The following EIF4E3 variants were observed in gnomAD, a reference collection of about 807,000 sequenced individuals.
The protein encoded by EIF4E3 is eukaryotic translation initiation factor 4E family member 3, also known as eukaryotic translation initiation factor 4E type 3.
In EIF4E3, 26 loss-of-function variants were observed where a neutral mutation model predicts 31.7. The ratio of observed to expected loss-of-function variants is 0.82; its 90% CI spans 0.60 to 1.14. The LOEUF (loss-of-function observed/expected upper bound fraction) is 1.14, where lower values mean the gene tolerates loss of function less well. Ranked by LOEUF, EIF4E3 falls within the 50% of genes most tolerant of loss-of-function variation. EIF4E3 has a pLI of 0.00. For synonymous variants in EIF4E3, 128 were observed against 107.7 expected, an observed-to-expected ratio of 1.19 and a Z score of -1.17; for missense variants, 304 against 270.9, an observed-to-expected ratio of 1.12 and a Z score of -0.86.
At chr3:71,690,816 A>G (rs1014640156) in intron 5 of EIF4E3, among the ~76,000 whole-genome samples, 2 of 152,202 alleles carry the variant, frequency 1.3e-5, no homozygotes, top group Admixed American at 1.3e-4. Context: ...AGAGCCAATG[A>G]CCATCTGTTA....
chr3:71,754,274 C>T, upstream of EIF4E3: 3 of 1,199,866 alleles, frequency 2.5e-6, no homozygotes, highest in Non-Finnish European at 3.1e-6. This position sits in a 1 kb window ranked among gnomAD's most constrained non-coding sequence, Gnocchi z 5.8. Flanking sequence ...TCCCGGCCGT[C>T]ATGCTGGCGG....
chr3:71,660,802 A>T, the EIF4E3 span, among the ~76,000 whole-genome samples: 1 of 152,170 alleles, frequency 6.6e-6, no homozygotes, highest in Non-Finnish European at 1.5e-5. Context: ...TCGTTTTTGG[A>T]AAGAGCTGTG....
At chr3:71,663,180 G>A in the EIF4E3 span, among the ~76,000 whole-genome samples, 1 of 152,020 alleles carries the variant, frequency 6.6e-6, no homozygotes, top group African/African-American at 2.4e-5. Context: ...GAGGGGATTG[G>A]GACACTGGGC....
Position 71,707,902 on chromosome 3 carries a change from TGA to T in EIF4E3, c.249+2508_249+2509del, listed in dbSNP as rs1044131727. Among the ~76,000 whole-genome samples, 9 of 150,228 alleles carry T rather than the reference TGA, an allele frequency of 6.0e-5. No homozygotes were observed. The South Asian group carries it at 6.4e-4, about 11-fold the overall frequency. On this transcript the variant is annotated intron_variant, in intron 2 of 6. Transcript: ENST00000425534. ...TTTTTTTTTTTTGAGAGTGTGTGTGTGAGAGAGACAGAGTCTCACTCTGTCAC... is the reference window on the plus strand; with the variant it reads ...TTTTTTTTTTTTGAGAGTGTGTGTGTGAGAGACAGAGTCTCACTCTGTCAC...
chr3:71,669,542 A>C, the EIF4E3 span, among the ~76,000 whole-genome samples: 2 of 152,232 alleles, frequency 1.3e-5, no homozygotes, highest in South Asian at 2.1e-4. Context: ...TTAGAATGAA[A>C]TATACAAATG....
intron 2 of EIF4E3, 144 bp downstream of exon 2, chr3:71,710,268 C>T: frequency 1.2e-6 from 1 of 863,096 alleles, no homozygotes; most frequent in South Asian, 1.5e-5. Context: ...TGGTCAAGGG[C>T]AGCTGTGCCA....
At chr3:71,690,753 C>T (rs934607238) in intron 5 of EIF4E3, among the ~76,000 whole-genome samples, 2 of 152,206 alleles carry the variant, frequency 1.3e-5, no homozygotes, top group Non-Finnish European at 1.5e-5. Flanking sequence ...CTTCCTGATG[C>T]CTCCCTCTAG....
intron 1 of EIF4E3, among the ~76,000 whole-genome samples, chr3:71,749,756 A>T (rs181302890): frequency 6.6e-6 from 1 of 152,360 alleles, no homozygotes; most frequent in Admixed American, 6.5e-5. Context: ...ATTATACAAG[A>T]ATAATGGAAA....
At chr3:71,670,639 A>G (rs1559580600), downstream of EIF4E3, among the ~76,000 whole-genome samples, 1 of 152,160 alleles carries the variant, frequency 6.6e-6, no homozygotes, top group Non-Finnish European at 1.5e-5. Context: ...GTGGAAATTG[A>G]GAGGTTTCTG....
chr3:71,689,856 A>T lies in EIF4E3; in HGVS notation c.628+154T>A, dbSNP rs971839723. On this transcript the variant is annotated intron_variant, in intron 6 of 6. Transcript: ENST00000425534. ...TCTGAGACTAAGCTTGTTTTTTTTAAAAAAAAAAAAAACTTAAATGTATTT... is the reference window on the plus strand; with the variant it reads ...TCTGAGACTAAGCTTGTTTTTTTTATAAAAAAAAAAAACTTAAATGTATTT... Among the ~76,000 whole-genome samples the T allele has an allele frequency of 1.8e-3, 265 of 146,336 alleles. 1 individual carries two copies. Among genetic ancestry groups the T allele is most frequent in the East Asian group, 0.013 (45 of 3,530 alleles).
chr3:71,754,733 C>T, upstream of EIF4E3: 1 of 1,452,476 alleles, frequency 6.9e-7, no homozygotes, highest in Non-Finnish European at 9.1e-7. The surrounding 1 kb of genome is among the most constrained non-coding windows in gnomAD (Gnocchi z 5.8). Context: ...ACGACTGGAC[C>T]TTCCACGGCC....
At position 71,712,558 on chromosome 3, in the gene EIF4E3, A is replaced by G. The variant is rs2049394771; in HGVS notation, c.177-2074T>C. Reference sequence around the variant, plus strand: ...CTGCTCTACTACATATGCCCAGTAAATACATTCCTGGATCCCCCAAAGCAC... The same window carrying G: ...CTGCTCTACTACATATGCCCAGTAAGTACATTCCTGGATCCCCCAAAGCAC... On this transcript the variant is annotated intron_variant, in intron 1 of 6. Coordinates refer to ENST00000425534, the MANE Select transcript of EIF4E3 (RefSeq NM_001134651.2). Among the ~76,000 whole-genome samples the G allele has an allele frequency of 2.2e-5, 3 of 138,942 alleles. No homozygotes were observed. In the Admixed American group the frequency reaches 2.3e-4, roughly 11 times the overall value. The allele number at this position is 138,942 out of a possible 152,430, so 91.2% of individuals were successfully genotyped here. A position where few individuals can be genotyped will look rare whatever the true frequency, so the allele number is the denominator to read the frequency against.
At chr3:71,661,550 T>C in the EIF4E3 span, among the ~76,000 whole-genome samples, 4 of 152,290 alleles carry the variant, frequency 2.6e-5, no homozygotes, top group African/African-American at 9.6e-5. Context: ...GAATGTGGCA[T>C]AGAAAAGATC....
chr3:71,708,156 G>A (rs920866516), intron 2 of EIF4E3, among the ~76,000 whole-genome samples: 1 of 152,098 alleles, frequency 6.6e-6, no homozygotes, highest in Non-Finnish European at 1.5e-5. Context: ...TTACAGGCAA[G>A]AGTCACCATG....
At position 71,708,102 on chromosome 3, in the gene EIF4E3, G is replaced by C. The variant is rs148169376; in HGVS notation, c.249+2310C>G. 4.7e-3 allele frequency among the ~76,000 whole-genome samples: 709 copies of C among 152,228 alleles called. 5 individuals are homozygous for C. Among genetic ancestry groups the C allele is most frequent in the African/African-American group, 0.016 (667 of 41,512 alleles). On this transcript the variant is annotated intron_variant, in intron 2 of 6. Transcript: ENST00000425534. ...TTGCTCAGGCTCATCTTGAACTCCT[G>C]ACCTCAAGTGATCCGCCCACCTTGG...
intron 1 of EIF4E3, among the ~76,000 whole-genome samples, chr3:71,724,765 C>G (rs949175383): frequency 1.3e-5 from 2 of 152,194 alleles, no homozygotes; most frequent in Non-Finnish European, 2.9e-5. Context: ...GGCAACTTTT[C>G]CGAGCGCTGT....
the EIF4E3 span, among the ~76,000 whole-genome samples, chr3:71,660,164 G>A: frequency 6.6e-6 from 1 of 152,130 alleles, no homozygotes; most frequent in Non-Finnish European, 1.5e-5. Flanking sequence ...GGTGGTGTGA[G>A]CAGAAAATGA....
At chr3:71,672,862 T>G (rs1014551262), downstream of EIF4E3, among the ~76,000 whole-genome samples, 42 of 152,192 alleles carry the variant, frequency 2.8e-4, no homozygotes, top group Non-Finnish European at 5.1e-4. Flanking sequence ...TTTGTTTACT[T>G]TAATTTAAAA....
Position 71,697,235 on chromosome 3 carries a change from C to T in EIF4E3, c.345-715G>A, listed in dbSNP as rs562000601. On this transcript the variant is annotated intron_variant, in intron 3 of 6. Transcript: ENST00000425534. The stretch of plus-strand genomic sequence containing the variant: ...TCTCTCTCACTTTGCTGCTCAGGCT[C>T]GTCTTGAACTCCTGGCCTCAAGCAA... 4.6e-5 allele frequency among the ~76,000 whole-genome samples: 7 copies of T among 151,836 alleles called. No individual in the cohort carries two copies. In the East Asian group the frequency reaches 5.8e-4, roughly 13 times the overall value.
Sources: gnomAD v4.1 joint callset for allele counts (sites outside exome capture counted in the v4.1 genomes callset) on GRCh38, gnomAD v4.1.1 for gene constraint, Gnocchi (gnomAD v3.1) non-coding constraint, MANE v1.5 for transcripts, NCBI Gene and HGNC (gene_info 2026-07-23, HGNC 2026-07-21) for gene names.